The following MSH4 variants were observed in gnomAD, a reference collection of about 807,000 sequenced individuals.
MSH4 encodes the protein mutS homolog 4.
Under a neutral mutation model 113.7 loss-of-function variants are expected in MSH4, and 106 were observed. That is an observed-to-expected ratio of 0.93 (90% CI 0.80 to 1.10). MSH4 has a LOEUF of 1.10. MSH4 is among the 50% of genes least tolerant of loss of function. The pLI is 0.00. For missense variants in MSH4, 1,061 were observed against 1,093.7 expected, an observed-to-expected ratio of 0.97 and a Z score of 0.42; for synonymous variants, 368 against 380.2, an observed-to-expected ratio of 0.97 and a Z score of 0.37.
At chr1:75,879,346 GGT>G (rs1328714684) in intron 12 of MSH4, among the ~76,000 whole-genome samples, 1 of 151,904 alleles carries the variant, frequency 6.6e-6, no homozygotes, top group Non-Finnish European at 1.5e-5. Context: ...CTGGGAGCTT[GGT>G]GTAAGAAAAA....
At chr1:75,904,000 T>C (rs541874457) in intron 19 of MSH4, among the ~76,000 whole-genome samples, 2 of 152,218 alleles carry the variant, frequency 1.3e-5, no homozygotes, top group African/African-American at 4.8e-5. Flanking sequence ...TAGTTGTGGG[T>C]TTGTAATGTA....
Position 75,879,078 on chromosome 1 carries a change from A to G in MSH4, c.1627A>G (p.Thr543Ala). The G allele has an allele frequency of 6.2e-7, 1 of 1,611,650 alleles. No homozygotes were observed. The highest frequency in any genetic ancestry group is 8.5e-7 in the Non-Finnish European group (1 of 1,177,950). The stretch of plus-strand genomic sequence containing the variant: ...TCGAGGATTTTTCATCCAGATGACT[A>G]CAGATTGTATAGCCCTACCTAGTGA... ...SARGFFIQMT[T>A]DCIALPSDQL... Residue 543 changes from threonine to alanine, a missense_variant, in exon 12 of 20, where the codon ACA (threonine) becomes GCA (alanine). Coordinates refer to ENST00000263187, the MANE Select transcript of MSH4 (RefSeq NM_002440.4).
intron 17 of MSH4, 101 bp from the exon 18 acceptor site, chr1:75,897,806 A>C (rs1373532553): frequency 1.2e-5 from 8 of 644,438 alleles, no homozygotes; most frequent in Non-Finnish European, 1.9e-5. Flanking sequence ...CTGCCAAGCT[A>C]CTTAGAAAAT....
chr1:75,804,304 GT>G (rs1293347571), intron 2 of MSH4, among the ~76,000 whole-genome samples: 1 of 151,842 alleles, frequency 6.6e-6, no homozygotes, highest in Non-Finnish European at 1.5e-5. Context: ...GATAAAATAG[GT>G]TTTCATGTAT....
chr1:75,910,314 T>C (rs1020464004), intron 19 of MSH4, among the ~76,000 whole-genome samples: 36 of 152,158 alleles, frequency 2.4e-4, no homozygotes, highest in African/African-American at 8.7e-4. Flanking sequence ...TACCCTTGTT[T>C]TCTCTTTTCT....
intron 7 of MSH4, among the ~76,000 whole-genome samples, chr1:75,826,464 G>A (rs1167441804): frequency 6.6e-6 from 1 of 152,054 alleles, no homozygotes; most frequent in African/African-American, 2.4e-5. Context: ...GTCTCCTTCA[G>A]TTCTGCTCTG....
At chr1:75,829,822 A>G (rs1271867199) in intron 7 of MSH4, among the ~76,000 whole-genome samples, 1 of 152,224 alleles carries the variant, frequency 6.6e-6, no homozygotes, top group East Asian at 1.9e-4. Flanking sequence ...AGACAAAGCC[A>G]CAAAGATGGG....
chr1:75,870,687 G>A (rs1651694725), intron 9 of MSH4, among the ~76,000 whole-genome samples: 1 of 152,100 alleles, frequency 6.6e-6, no homozygotes, highest in Non-Finnish European at 1.5e-5. Context: ...CCATGATTGT[G>A]AGGCCTCCCC....
At chr1:75,805,998 T>G (rs1003431094) in intron 2 of MSH4, among the ~76,000 whole-genome samples, 1 of 152,078 alleles carries the variant, frequency 6.6e-6, no homozygotes, top group African/African-American at 2.4e-5. Flanking sequence ...AGACTCAATA[T>G]TTTCCAACCT....
At position 75,822,594 on chromosome 1, in the gene MSH4, T is replaced by G; in HGVS notation, c.1162+13T>G. The G allele has an allele frequency of 7.7e-7, 1 of 1,291,670 alleles. No individual in the cohort carries two copies. The highest frequency in any genetic ancestry group is 1.7e-5 in the South Asian group (1 of 58,932). The allele number at this position is 1,291,670 out of a possible 1,614,324, so 80.0% of individuals were successfully genotyped here. A position where few individuals can be genotyped will look rare whatever the true frequency, so the allele number is the denominator to read the frequency against. On this transcript the variant is annotated intron_variant, in intron 7 of 19. Transcript: ENST00000263187. ...GGACTTCAATCAGGTAAATCAATAT[T>G]ATTTAATATTATAAATACAAATTAT...
At chr1:75,865,366 A>G (rs1414946220) in intron 8 of MSH4, among the ~76,000 whole-genome samples, 1 of 152,024 alleles carries the variant, frequency 6.6e-6, no homozygotes, top group African/African-American at 2.4e-5. Flanking sequence ...CTACTCTAAT[A>G]TCTTGATTGT....
At chr1:75,909,509 C>T (rs1441187413) in intron 19 of MSH4, among the ~76,000 whole-genome samples, 4 of 150,676 alleles carry the variant, frequency 2.7e-5, no homozygotes, top group African/African-American at 9.8e-5. Flanking sequence ...TTCTGGGATA[C>T]ACGTGCAGAA....
intron 15 of MSH4, among the ~76,000 whole-genome samples, chr1:75,889,032 C>T (rs1652192547): frequency 6.6e-6 from 1 of 151,736 alleles, no homozygotes; most frequent in Admixed American, 6.6e-5. Context: ...GTAGTTGGGA[C>T]CACAGTTTCC....
At chr1:75,856,508 A>G (rs1055093241) in intron 8 of MSH4, among the ~76,000 whole-genome samples, 62 of 151,600 alleles carry the variant, frequency 4.1e-4, no homozygotes, top group Admixed American at 1.5e-3. Flanking sequence ...TCGTTGTTCA[A>G]CTCCCACTTA....
intron 19 of MSH4, among the ~76,000 whole-genome samples, chr1:75,905,902 A>G (rs1397575127): frequency 6.6e-6 from 1 of 152,140 alleles, no homozygotes; most frequent in Non-Finnish European, 1.5e-5. Context: ...TATCTGGAAT[A>G]TCTTCTTCCA....
intron 19 of MSH4, among the ~76,000 whole-genome samples, chr1:75,907,203 A>G (rs956585103): frequency 2.0e-5 from 3 of 152,000 alleles, no homozygotes; most frequent in African/African-American, 7.3e-5. Flanking sequence ...GTAATGATGC[A>G]TTTCCTCAGC....
At chr1:75,797,300 G>C in intron 1 of MSH4, 71 bp downstream of exon 1, 1 of 1,512,958 alleles carries the variant, frequency 6.6e-7, no homozygotes, top group Non-Finnish European at 8.9e-7. Context: ...TCGGGGGCAC[G>C]TGGGTGGTGG....
chr1:75,803,775 G>A lies in MSH4; in HGVS notation c.289G>A (p.Ala97Thr), dbSNP rs5745325. The change falls in exon 2 of 20, where the codon GCA (alanine) becomes ACA (threonine). Residue 97 changes from alanine to threonine, a missense_variant. Physicochemically the swap from Ala to Thr is moderately conservative, Grantham distance 58. Coordinates refer to ENST00000263187, the MANE Select transcript of MSH4 (RefSeq NM_002440.4). ...NKRAYAENTV[A>T]SNFTFGASSS... ...AAGAGCTTATGCAGAAAACACAGTT[G>A]CATCAAATTTTACTTTTGGTGCAAG... 0.27 allele frequency: 436,502 copies of A among 1,597,556 alleles called. 62,527 individuals carry two copies. Among genetic ancestry groups the A allele is most frequent in the Middle Eastern group, 0.33 (1,970 of 6,000 alleles).
chr1:75,871,962 A>G (rs961989800), intron 9 of MSH4, among the ~76,000 whole-genome samples: 6 of 152,156 alleles, frequency 3.9e-5, no homozygotes, highest in African/African-American at 1.4e-4. Context: ...AGCATCCCTA[A>G]CCCAAAAGTT....
Sources: allele counts gnomAD v4.1 joint callset (sites outside exome capture counted in the v4.1 genomes callset), GRCh38; gene constraint gnomAD v4.1.1; transcripts MANE v1.5; gene names NCBI Gene and HGNC (gene_info 2026-07-23, HGNC 2026-07-21).